ITPKB: variants seen among roughly 807,000 people sequenced by gnomAD.
ITPKB encodes IP3 3-kinase B.
Under a neutral mutation model 69.4 loss-of-function variants are expected in ITPKB, and 13 were observed. The observed-to-expected ratio is 0.19, with a 90% confidence interval of 0.12 to 0.30. The LOEUF is 0.30. Ranked by LOEUF, ITPKB falls within the 10% of genes least tolerant of loss-of-function variation. The pLI is 1.00. For synonymous variants in ITPKB, 584 were observed against 513.7 expected, an observed-to-expected ratio of 1.14 and a Z score of -1.85; for missense variants, 1,240 against 1,250.5, an observed-to-expected ratio of 0.99 and a Z score of 0.13.
chr1:226,662,906 A>G (rs1669427114), intron 2 of ITPKB, among the ~76,000 whole-genome samples: 1 of 152,198 alleles, frequency 6.6e-6, no homozygotes, highest in Non-Finnish European at 1.5e-5. Context: ...GCAGTGGCCA[A>G]TGCGCAGCTC....
At position 226,633,955 on chromosome 1, in the gene ITPKB, C is replaced by T. The variant is rs1223042999; in HGVS notation, c.*716G>A. ...TCCAAGTGGCACAGCTTCTGCTCGC[C>T]TCCTCTGGGAAGGCCTAGATCAGAG... is the stretch of plus-strand genomic sequence containing the variant. On this transcript the variant is annotated 3_prime_UTR_variant, in exon 8 of 8. Transcript: ENST00000429204. The T allele has an allele frequency of 3.3e-5, 5 of 152,312 alleles. No homozygotes were observed. In the East Asian group the frequency reaches 9.6e-4, roughly 29 times the overall value. The allele number at this position is 152,312 out of a possible 1,614,324, so 9.4% of individuals were successfully genotyped here.
chr1:226,691,264 T>G (rs944554059), intron 2 of ITPKB, among the ~76,000 whole-genome samples: 1 of 152,098 alleles, frequency 6.6e-6, no homozygotes, highest in Admixed American at 6.5e-5. Context: ...CTGTTTTTTC[T>G]CTTTGGAAAT....
rs375439829 is a variant in ITPKB, at chr1:226,735,592, G to C, written c.1867C>G (p.Pro623Ala). 6.3e-7 allele frequency: 1 copy of C among 1,595,002 alleles called. No homozygotes were observed. The highest frequency in any genetic ancestry group is 8.5e-7 in the Non-Finnish European group (1 of 1,170,720). Residue 623 changes from proline to alanine, a missense_variant, in exon 2 of 8, where the codon CCT becomes GCT. Physicochemically the swap from Pro to Ala is conservative, Grantham distance 27. Transcript: ENST00000429204. Reference sequence around the variant, plus strand: ...GAGTTGGGGTCCAGGGTGCGCTCAGGGTCACTGGAGATGTCCTCCTCTGAG... The same window carrying C: ...GAGTTGGGGTCCAGGGTGCGCTCAGCGTCACTGGAGATGTCCTCCTCTGAG... ...EDSEEDISSD[P>A]ERTLDPNSAF...
At chr1:226,703,307 T>C (rs1656712346) in intron 2 of ITPKB, among the ~76,000 whole-genome samples, 1 of 152,136 alleles carries the variant, frequency 6.6e-6, no homozygotes, top group South Asian at 2.1e-4. Context: ...TGCCTCCATT[T>C]CTCACTCGAT....
intron 2 of ITPKB, chr1:226,707,874 G>A (rs745562458): frequency 7.7e-7 from 1 of 1,305,346 alleles, no homozygotes; most frequent in African/African-American, 1.5e-5. Context: ...ATTGGACGTT[G>A]CCCCAGCAGT....
At chr1:226,674,727 T>A (rs184168032) in intron 2 of ITPKB, among the ~76,000 whole-genome samples, 185 of 152,146 alleles carry the variant, frequency 1.2e-3, no homozygotes, top group Middle Eastern at 3.4e-3. Context: ...TTTCCTTGTA[T>A]CCCCCATTCC....
Position 226,737,619 on chromosome 1 carries a change from C to T in ITPKB, c.-161G>A, listed in dbSNP as rs975437753. On this transcript the variant is annotated 5_prime_UTR_variant, in exon 2 of 8. Coordinates refer to ENST00000429204, the MANE Select transcript of ITPKB (RefSeq NM_002221.4). ...CCTGGGCAGCGGGCTGGGGGCACGACCGCGGGCTCAGCCCCCGCCCAAAGC... is the reference window on the plus strand; with the variant it reads ...CCTGGGCAGCGGGCTGGGGGCACGATCGCGGGCTCAGCCCCCGCCCAAAGC... The T allele has an allele frequency of 2.3e-5, 26 of 1,135,750 alleles. No individual in the cohort carries two copies. The highest frequency in any genetic ancestry group is 2.7e-5 in the Non-Finnish European group (25 of 928,070). The allele number at this position is 1,135,750 out of a possible 1,614,324, so 70.4% of individuals were successfully genotyped here.
intron 2 of ITPKB, among the ~76,000 whole-genome samples, chr1:226,730,518 C>T (rs1657559081): frequency 6.6e-6 from 1 of 152,100 alleles, no homozygotes; most frequent in Non-Finnish European, 1.5e-5. Flanking sequence ...GTACCATATG[C>T]ATAAACCTAC....
intron 2 of ITPKB, among the ~76,000 whole-genome samples, chr1:226,704,413 T>C (rs1656753735): frequency 6.6e-6 from 1 of 152,202 alleles, no homozygotes; most frequent in Non-Finnish European, 1.5e-5. Context: ...AACACGAGAA[T>C]TCCCTGTAAA....
rs2102657243 is a variant in ITPKB at position 226,738,705 on chromosome 1, C to T, written c.-206+336G>A. On this transcript the variant is annotated intron_variant, in intron 1 of 7. Transcript: ENST00000429204. The surrounding 1 kb of genome is among the most constrained non-coding windows in gnomAD (Gnocchi z 4.2). ...AACACCCCAGGGCAGCGCCGCGGAG[C>T]GCAGGGCTTCTCCGCATCCCGGGCA... Among the ~76,000 whole-genome samples, 1 of 152,290 alleles carries T rather than the reference C, an allele frequency of 6.6e-6. No homozygotes were observed. The highest frequency in any genetic ancestry group is 2.4e-5 in the African/African-American group (1 of 41,574).
In ITPKB at chr1:226,648,545, T is replaced by C. The variant is rs561645015; in HGVS notation, c.2032+127A>G. 975 of 701,460 alleles carry C rather than the reference T, an allele frequency of 1.4e-3. 7 individuals carry two copies. In the African/African-American group the frequency reaches 0.014, roughly 10 times the overall value. 43.5% of individuals were successfully genotyped at this position (701,460 alleles called of 1,614,324 possible). The stretch of plus-strand genomic sequence containing the variant: ...AGGCCGCAGCCTGCAAGTGTGGCTG[T>C]GATTTCAGACTAGAAAGTCTTGGAG... On this transcript the variant is annotated intron_variant, in intron 3 of 7. Coordinates refer to ENST00000429204, the MANE Select transcript of ITPKB (RefSeq NM_002221.4).
At chr1:226,635,021 T>C (rs1571831582) in intron 7 of ITPKB, 135 bp from the exon 8 acceptor site, 5 of 653,856 alleles carry the variant, frequency 7.6e-6, no homozygotes, top group Non-Finnish European at 1.3e-5. Flanking sequence ...CCAATCCCCA[T>C]TTTCAGACAG....
chr1:226,729,219 C>A (rs1657513920), intron 2 of ITPKB, among the ~76,000 whole-genome samples: 1 of 152,046 alleles, frequency 6.6e-6, no homozygotes, highest in African/African-American at 2.4e-5. Flanking sequence ...CGCGGTGGCT[C>A]ACGCCTGTAA....
At chr1:226,723,155 G>T (rs150265891) in intron 2 of ITPKB, among the ~76,000 whole-genome samples, 2 of 152,182 alleles carry the variant, frequency 1.3e-5, no homozygotes, top group East Asian at 1.9e-4. Flanking sequence ...TGGTGTGCTC[G>T]GGGTTCATCA....
chr1:226,642,367 G>A lies in ITPKB; in HGVS notation c.2247-242C>T, dbSNP rs1003833936. 2.6e-5 allele frequency among the ~76,000 whole-genome samples: 4 copies of A among 151,562 alleles called. No individual in the cohort carries two copies. Among genetic ancestry groups the A allele is most frequent in the Non-Finnish European group, 4.4e-5 (3 of 67,924 alleles). On this transcript the variant is annotated intron_variant, in intron 4 of 7. Coordinates refer to ENST00000429204, the MANE Select transcript of ITPKB (RefSeq NM_002221.4). The surrounding 1 kb of genome is among the most constrained non-coding windows in gnomAD (Gnocchi z 6.4). ...TTTTTTTAGTAGATAAGGGAGTCTC[G>A]CTATGTTGCCCCGGCTGGTCTCAAA...
chr1:226,635,649 G>A (rs570297866), intron 7 of ITPKB, among the ~76,000 whole-genome samples: 22 of 152,294 alleles, frequency 1.4e-4, no homozygotes, highest in African/African-American at 4.3e-4. Context: ...GCCCAGGAGC[G>A]TCCAAACTAT....
chr1:226,672,575 A>C (rs1669638081), intron 2 of ITPKB, among the ~76,000 whole-genome samples: 1 of 152,206 alleles, frequency 6.6e-6, no homozygotes, highest in South Asian at 2.1e-4. Context: ...GGTCGACAAG[A>C]CCACGGCTGT....
Position 226,737,478 on chromosome 1 carries a change from CCCGCCGCCGCGGCTCCCGCTCCTGCT to C in ITPKB, c.-46_-21del. ...AGCCATAGTACTGGGTCCCGCGCTG[CCCGCCGCCGCGGCTCCCGCTCCTGCT>C]CCGCCGCCGGCGCCTCCTCCTCCCG... On this transcript the variant is annotated 5_prime_UTR_variant, in exon 2 of 8. Coordinates refer to ENST00000429204, the MANE Select transcript of ITPKB (RefSeq NM_002221.4). 1 of 1,537,076 alleles carries C rather than the reference CCCGCCGCCGCGGCTCCCGCTCCTGCT, an allele frequency of 6.5e-7. No homozygotes were observed. Among genetic ancestry groups the C allele is most frequent in the Non-Finnish European group, 8.7e-7 (1 of 1,146,458 alleles).
chr1:226,709,290 G>C (rs1469307173), intron 2 of ITPKB, among the ~76,000 whole-genome samples: 1 of 152,196 alleles, frequency 6.6e-6, no homozygotes, highest in Non-Finnish European at 1.5e-5. Context: ...CCCTGGCGAG[G>C]CACCAGGCTA....
Sources: allele counts gnomAD v4.1 joint callset (sites outside exome capture counted in the v4.1 genomes callset), GRCh38; gene constraint gnomAD v4.1.1; non-coding constraint Gnocchi (gnomAD v3.1); transcripts MANE v1.5; gene names NCBI Gene and HGNC (gene_info 2026-07-23, HGNC 2026-07-21).